Variants in DMC1 observed in about 807,000 individuals in gnomAD.
DMC1 encodes DNA meiotic recombinase 1, also known as meiotic recombination protein DMC1 homolog.
In DMC1, 27 loss-of-function variants were observed where a neutral mutation model predicts 50.1. That is an observed-to-expected ratio of 0.54 (90% CI 0.40 to 0.74). The LOEUF (loss-of-function observed/expected upper bound fraction) is 0.74, where lower values mean the gene tolerates loss of function less well. Ranked by LOEUF, DMC1 falls within the 30% of genes least tolerant of loss-of-function variation. DMC1 has a pLI of 0.00. For missense variants in DMC1, 295 were observed against 420.2 expected, an observed-to-expected ratio of 0.70 and a Z score of 2.60; for synonymous variants, 148 against 136.1, an observed-to-expected ratio of 1.09 and a Z score of -0.61.
At chr22:38,567,500 T>C in intron 3 of DMC1, 83 bp downstream of exon 3, 3 of 1,201,520 alleles carry the variant, frequency 2.5e-6, no homozygotes, top group South Asian at 2.4e-5. Flanking sequence ...CAACAAAGAA[T>C]TATCCAGGCC....
In DMC1 at chr22:38,527,612, GGGTT is replaced by G. The variant is rs1471494337; in HGVS notation, c.837-5892_837-5889del. Among the ~76,000 whole-genome samples the G allele has an allele frequency of 2.0e-5, 3 of 148,008 alleles. No homozygotes were observed. In the Admixed American group the frequency reaches 2.1e-4, roughly 10 times the overall value. On this transcript the variant is annotated intron_variant, in intron 12 of 13. Coordinates refer to ENST00000216024, the MANE Select transcript of DMC1 (RefSeq NM_007068.4). ...TGGCTCACTGCAACCTCTGCTTCCT[GGGTT>G]CAAGCAATTCTCCCTGCCTCAGCCT...
At chr22:38,525,680 C>T (rs899580054) in intron 12 of DMC1, among the ~76,000 whole-genome samples, 3 of 152,180 alleles carry the variant, frequency 2.0e-5, no homozygotes, top group Non-Finnish European at 2.9e-5. Context: ...GTGGCTCACA[C>T]CTGTAATCCC....
intron 4 of DMC1, among the ~76,000 whole-genome samples, chr22:38,564,083 C>T (rs539220173): frequency 6.6e-5 from 10 of 152,122 alleles, no homozygotes; most frequent in African/African-American, 2.4e-4. Flanking sequence ...GTGGGAGGAT[C>T]GCTTGAGCCT....
intron 11 of DMC1, 69 bp downstream of exon 11, chr22:38,538,226 T>C (rs2145864005): frequency 7.6e-7 from 1 of 1,321,852 alleles, no homozygotes; most frequent in Non-Finnish European, 1.1e-6. Flanking sequence ...TGACATTATA[T>C]TCCAAGCTTC....
intron 8 of DMC1, chr22:38,549,310 C>G (rs914097532): frequency 1.3e-5 from 2 of 152,276 alleles, no homozygotes; most frequent in African/African-American, 4.8e-5. Flanking sequence ...TCATTTGGGA[C>G]CATGACTTTC....
chr22:38,564,482 G>A (rs1380276153), intron 4 of DMC1, among the ~76,000 whole-genome samples: 1 of 152,000 alleles, frequency 6.6e-6, no homozygotes, highest in East Asian at 1.9e-4. Flanking sequence ...GCTAATTTTT[G>A]TATTTTTAGT....
At chr22:38,531,556 A>G (rs1161778847) in intron 12 of DMC1, among the ~76,000 whole-genome samples, 1 of 152,178 alleles carries the variant, frequency 6.6e-6, no homozygotes, top group Non-Finnish European at 1.5e-5. Flanking sequence ...GTTTCCTAAT[A>G]GTATTTAAAA....
intron 12 of DMC1, 137 bp downstream of exon 12, chr22:38,537,455 G>T: frequency 4.1e-6 from 3 of 737,780 alleles, no homozygotes; most frequent in Non-Finnish European, 4.8e-6. Flanking sequence ...CTCGTGATCC[G>T]CCTGCCTCAG....
chr22:38,561,172 T>C (rs2145995762), intron 5 of DMC1, among the ~76,000 whole-genome samples: 1 of 151,604 alleles, frequency 6.6e-6, no homozygotes, highest in South Asian at 2.1e-4. Context: ...CACACCCAGC[T>C]AATTAATTTT....
intron 9 of DMC1, among the ~76,000 whole-genome samples, chr22:38,538,898 T>A (rs1378137030): frequency 6.6e-6 from 1 of 151,986 alleles, no homozygotes; most frequent in East Asian, 1.9e-4. Context: ...TAGCTGGGTG[T>A]GGTGGCGTGT....
intron 1 of DMC1, 130 bp from the exon 2 acceptor site, chr22:38,568,419 T>G: frequency 1.4e-6 from 1 of 694,526 alleles, no homozygotes; most frequent in South Asian, 1.6e-5. Context: ...GGCCAGCCTA[T>G]CTTCTTTCTG....
At chr22:38,532,571 T>G (rs2090164872) in intron 12 of DMC1, among the ~76,000 whole-genome samples, 1 of 151,982 alleles carries the variant, frequency 6.6e-6, no homozygotes, top group African/African-American at 2.4e-5. Context: ...CCACTGACCT[T>G]GGTCTCCCAA....
At chr22:38,555,305 T>C in intron 6 of DMC1, 52 bp downstream of exon 6, 1 of 1,127,224 alleles carries the variant, frequency 8.9e-7, no homozygotes, top group Non-Finnish European at 1.4e-6. Flanking sequence ...CATAGATGTG[T>C]ATGTGTGTGT....
At chr22:38,512,135 C>T in the DMC1 span, among the ~76,000 whole-genome samples, 2 of 151,972 alleles carry the variant, frequency 1.3e-5, no homozygotes, top group African/African-American at 2.4e-5. Flanking sequence ...CCACCACACC[C>T]GGATAATTTT....
intron 1 of DMC1, 80 bp from the exon 2 acceptor site, chr22:38,568,369 TAGA>T (rs1332758300): frequency 2.5e-5 from 26 of 1,027,994 alleles, no homozygotes; most frequent in Admixed American, 5.8e-5. Context: ...CAACAAGGAC[TAGA>T]AGGACAGTAA....
intron 3 of DMC1, 71 bp from the exon 4 acceptor site, chr22:38,566,807 T>C: frequency 1.3e-6 from 2 of 1,501,172 alleles, no homozygotes; most frequent in Non-Finnish European, 1.8e-6. Flanking sequence ...CTATGTCATG[T>C]GTTTCTGTGT....
Position 38,552,702 on chromosome 22 carries a change from G to A in DMC1, c.385C>T (p.Arg129Cys), listed in dbSNP as rs201014421. 4.7e-5 allele frequency: 74 copies of A among 1,581,114 alleles called. No individual in the cohort carries two copies. Among genetic ancestry groups the A allele is most frequent in the Admixed American group, 5.0e-5 (3 of 59,902 alleles). ...MAITEAFGEF[R>C]TGKTQLSHTL... ...TGAGAAAGCTGGGTTTTTCCAGTAC[G>A]AAATTCTGTGAAATACAGAAAAAAA... is the stretch of plus-strand genomic sequence containing the variant. The change falls in exon 7 of 14, where the codon CGT becomes TGT. Residue 129 changes from arginine (R) to cysteine (C), a missense_variant. Coordinates refer to ENST00000216024, the MANE Select transcript of DMC1 (RefSeq NM_007068.4).
chr22:38,556,938 A>G lies in DMC1; in HGVS notation c.327-1529T>C, dbSNP rs151127787. 7.2e-5 allele frequency among the ~76,000 whole-genome samples: 11 copies of G among 152,348 alleles called. No individual in the cohort carries two copies. The East Asian group carries it at 2.1e-3, about 29-fold the overall frequency. On this transcript the variant is annotated intron_variant, in intron 5 of 13. Coordinates refer to ENST00000216024, the MANE Select transcript of DMC1 (RefSeq NM_007068.4). ...AGAAAAATCTAGATAGTGTACCTGC[A>G]CAACTTAAATCTAAAGGACATGGGC...
chr22:38,511,815 T>A, the DMC1 span, among the ~76,000 whole-genome samples: 1 of 152,150 alleles, frequency 6.6e-6, no homozygotes, highest in Non-Finnish European at 1.5e-5. Flanking sequence ...GGCATATTGA[T>A]GTCTGGAACA....
Sources: gnomAD v4.1 joint callset for allele counts (sites outside exome capture counted in the v4.1 genomes callset) on GRCh38, gnomAD v4.1.1 for gene constraint, MANE v1.5 for transcripts, NCBI Gene and HGNC (gene_info 2026-07-23, HGNC 2026-07-21) for gene names.